Variants in C20orf96 observed in about 807,000 individuals in gnomAD.
C20orf96 encodes uncharacterized protein C20orf96.
C20orf96 carries 57 observed loss-of-function variants against 52.6 expected under a neutral mutation model. The ratio of observed to expected loss-of-function variants is 1.08; its 90% CI spans 0.88 to 1.35. The LOEUF (loss-of-function observed/expected upper bound fraction) is 1.35. Ranked by LOEUF, C20orf96 falls within the 40% of genes most tolerant of loss-of-function variation. The pLI is 0.00. For missense variants in C20orf96, 478 were observed against 443.6 expected (o/e 1.08, Z -0.70); for synonymous variants, 168 against 157.2 (o/e 1.07, Z -0.51).
In C20orf96 at chr20:279,066, GGGAGGGAGGGAGGGAC is replaced by G. The variant is rs1466764823; in HGVS notation, c.465+90_465+105del. 9.0e-4 allele frequency: 429 copies of G among 477,818 alleles called. 25 individuals carry two copies. The highest frequency in any genetic ancestry group is 1.0e-3 in the Non-Finnish European group (356 of 345,472). 29.6% of individuals were successfully genotyped at this position (477,818 alleles called of 1,614,324 possible). ...AGGGCGGGAGGGCGGGACGGAGGGA[GGGAGGGAGGGAGGGAC>G]GGAGGGCGGGACGGAGGGACGGAGG... On this transcript the variant is annotated intron_variant, in intron 5 of 10. Coordinates refer to ENST00000360321, the MANE Select transcript of C20orf96 (RefSeq NM_153269.3).
At chr20:276,733 C>T (rs779839054) in intron 9 of C20orf96, 60 bp downstream of exon 9, 9 of 1,580,266 alleles carry the variant, frequency 5.7e-6, no homozygotes, top group South Asian at 3.4e-5. Flanking sequence ...TCCCACAGGC[C>T]GTGGGGACTG....
Position 277,033 on chromosome 20 carries a change from T to C in C20orf96, c.825+11A>G. 1 of 1,611,686 alleles carries C rather than the reference T, an allele frequency of 6.2e-7. No individual in the cohort carries two copies. The highest frequency in any genetic ancestry group is 8.5e-7 in the Non-Finnish European group (1 of 1,178,440). ...TGGATCCCCGCTCCCACACAGCAAC[T>C]GGCTACTCACCGCCACCACAGAACT... On this transcript the variant is annotated intron_variant, in intron 8 of 10. Transcript: ENST00000360321.
chr20:288,303 G>T (rs1429472312), intron 3 of C20orf96, among the ~76,000 whole-genome samples: 3 of 151,072 alleles, frequency 2.0e-5, no homozygotes, highest in Admixed American at 6.6e-5. Flanking sequence ...TATTGGTATG[G>T]ATTTATTCCC....
At chr20:275,929 G>A in intron 10 of C20orf96, 39 bp downstream of exon 10, 1 of 1,570,032 alleles carries the variant, frequency 6.4e-7, no homozygotes. Flanking sequence ...AGCTCAGAGT[G>A]TGACTGGTTT....
In C20orf96 at chr20:276,827, T is replaced by C. The variant is rs1428183690; in HGVS notation, c.878A>G (p.Gln293Arg). ...EALLQKMWES[Q>R]DFLKCMQRFR... ...CCTTTGCATGCATTTCAGGAAGTCC[T>C]GGCTTTCCCACATCTTCTGTAGGAG... Residue 293 changes from glutamine (Q) to arginine (R), a missense_variant, in exon 9 of 11, where the codon CAG (glutamine) becomes CGG (arginine). Physicochemically the swap from Gln to Arg is conservative, Grantham distance 43 (BLOSUM62 1). Transcript: ENST00000360321. The C allele has an allele frequency of 6.2e-7, 1 of 1,613,782 alleles. No homozygotes were observed. Among genetic ancestry groups the C allele is most frequent in the Non-Finnish European group, 8.5e-7 (1 of 1,179,834 alleles).
chr20:275,532 G>T (rs2011990462), intron 10 of C20orf96, among the ~76,000 whole-genome samples: 5 of 152,192 alleles, frequency 3.3e-5, no homozygotes, highest in Admixed American at 2.6e-4. Flanking sequence ...CCCAAGGAAG[G>T]GCAGGCAAAG....
intron 6 of C20orf96, among the ~76,000 whole-genome samples, chr20:277,949 C>A (rs1176941208): frequency 6.6e-6 from 1 of 152,202 alleles, no homozygotes; most frequent in Non-Finnish European, 1.5e-5. Flanking sequence ...CCCAGAAGGA[C>A]CTTGGCAGGA....
chr20:278,628 A>C (rs2012107755), intron 5 of C20orf96, among the ~76,000 whole-genome samples, 199 bp from the exon 6 acceptor site: 1 of 151,570 alleles, frequency 6.6e-6, no homozygotes. Context: ...TTGCTATTAC[A>C]CGTAGAGGTG....
rs1470941369 is a variant in C20orf96, at chr20:277,132, T to A, written c.737A>T (p.Asp246Val). 1 of 1,613,846 alleles carries A rather than the reference T, an allele frequency of 6.2e-7. No individual in the cohort carries two copies. The change falls in exon 8 of 11, where the codon GAC becomes GTC. Residue 246 changes from aspartate to valine, a missense_variant. Physicochemically the swap from Asp to Val is radical, Grantham distance 152 (BLOSUM62 -3). Transcript: ENST00000360321. ...GACCTTTCTGCGCATCTCACCGAGG[T>A]CATCCAGCTCATCCTGGGAGCCAGC... ...VKDSQQDELD[D>V]LGEMRRKVLE...
intron 3 of C20orf96, 148 bp from the exon 4 acceptor site, chr20:284,229 G>A (rs1036970936): frequency 6.4e-6 from 4 of 626,354 alleles, no homozygotes; most frequent in African/African-American, 3.7e-5. Flanking sequence ...GACCGAGGGT[G>A]AAATTCACAC....
chr20:284,377 AAG>A, intron 3 of C20orf96, among the ~76,000 whole-genome samples: 1 of 152,196 alleles, frequency 6.6e-6, no homozygotes, highest in East Asian at 1.9e-4. Context: ...TCCAGTCAGA[AAG>A]AGAGTCGGGA....
chr20:276,230 G>C (rs2012019479), intron 9 of C20orf96, 144 bp from the exon 10 acceptor site: 13 of 1,501,142 alleles, frequency 8.7e-6, no homozygotes, highest in Non-Finnish European at 9.8e-6. Context: ...TCCAGGGAGG[G>C]GACTTCCCCA....
At chr20:272,014 T>A (rs1196303241) in intron 10 of C20orf96, among the ~76,000 whole-genome samples, 1 of 152,126 alleles carries the variant, frequency 6.6e-6, no homozygotes, top group Non-Finnish European at 1.5e-5. Context: ...GTTTCAATAA[T>A]CTGCTGATAC....
Position 277,224 on chromosome 20 carries a change from A to G in C20orf96, c.723+2T>C. The G allele has an allele frequency of 6.2e-7, 1 of 1,614,036 alleles. No homozygotes were observed. The highest frequency in any genetic ancestry group is 1.1e-5 in the South Asian group (1 of 91,076). ...GTGGGAGAGGGGCAGGGGCTCCCCTACCTGCTGGCTGTCCTTAACCTGCTG... is the reference window on the plus strand; with the variant it reads ...GTGGGAGAGGGGCAGGGGCTCCCCTGCCTGCTGGCTGTCCTTAACCTGCTG... On this transcript the variant is annotated splice_donor_variant, in intron 7 of 10. Transcript: ENST00000360321. LOFTEE classifies it high-confidence loss of function.
intron 5 of C20orf96, 30 bp from the exon 6 acceptor site, chr20:278,459 C>G: frequency 1.9e-6 from 3 of 1,570,128 alleles, no homozygotes; most frequent in Non-Finnish European, 2.6e-6. Context: ...AACTCACCCA[C>G]AGGCTCTGCT....
intron 10 of C20orf96, among the ~76,000 whole-genome samples, chr20:273,280 T>C (rs1307127804): frequency 6.6e-6 from 1 of 152,106 alleles, no homozygotes; most frequent in Non-Finnish European, 1.5e-5. Flanking sequence ...CAGCCCACCA[T>C]GCTCTTTTCA....
intron 4 of C20orf96, 95 bp downstream of exon 4, chr20:283,868 G>T: frequency 1.2e-6 from 1 of 862,812 alleles, no homozygotes; most frequent in Non-Finnish European, 2.0e-6. Context: ...AATGAGTCAA[G>T]TCTGGCACCC....
chr20:290,494 G>C (rs374906295), intron 1 of C20orf96, 97 bp downstream of exon 1: 22,515 of 1,560,002 alleles, frequency 0.014, 225 homozygotes, highest in Middle Eastern at 0.036. Flanking sequence ...AAGACCGAGG[G>C]CGACCTCGAG....
chr20:286,523 T>C (rs1261792515), intron 3 of C20orf96, among the ~76,000 whole-genome samples: 1 of 137,600 alleles, frequency 7.3e-6, no homozygotes, highest in Non-Finnish European at 1.5e-5. Flanking sequence ...AGAGAGACTC[T>C]GTCTGAAAAA....
Sources: gnomAD v4.1 joint callset for allele counts (sites outside exome capture counted in the v4.1 genomes callset) on GRCh38, gnomAD v4.1.1 for gene constraint, MANE v1.5 for transcripts, NCBI Gene and HGNC (gene_info 2026-07-23, HGNC 2026-07-21) for gene names.